The following FCGR1A variants were observed in gnomAD, a reference collection of about 807,000 sequenced individuals.
FCGR1A encodes the protein Fc gamma receptor Ia.
In FCGR1A, 13 loss-of-function variants were observed where a neutral mutation model predicts 35.0. That is an observed-to-expected ratio of 0.37 (90% CI 0.24 to 0.59). FCGR1A has a LOEUF of 0.59. Among genes scored for constraint, FCGR1A ranks in the 20% least tolerant of loss-of-function variants. The probability of loss-of-function intolerance (pLI) is 0.71; values close to 1 mark genes in which losing one functional copy is unlikely to be tolerated. For synonymous variants in FCGR1A, 91 were observed against 164.7 expected (o/e 0.55, Z 3.43); for missense variants, 227 against 430.0 (o/e 0.53, Z 4.17).
chr1:149,784,740 A>T (rs2091496058), intron 3 of FCGR1A, among the ~76,000 whole-genome samples: 1 of 149,680 alleles, frequency 6.7e-6, no homozygotes. Flanking sequence ...ATATAGTTTT[A>T]AAGCTGTGGG....
At chr1:149,786,676 T>C (rs2091559557) in intron 3 of FCGR1A, 1 of 152,204 alleles carries the variant, frequency 6.6e-6, no homozygotes, top group Non-Finnish European at 1.5e-5. Context: ...AGGAAATTAG[T>C]AATGTCTGCT....
At chr1:149,798,815 G>GT in the FCGR1A span, among the ~76,000 whole-genome samples, 1 of 152,058 alleles carries the variant, frequency 6.6e-6, no homozygotes, top group Admixed American at 6.5e-5. Context: ...GTCTTGCTTT[G>GT]TTGCCCAGGC....
At chr1:149,800,383 C>A in the FCGR1A span, among the ~76,000 whole-genome samples, 1 of 151,266 alleles carries the variant, frequency 6.6e-6, no homozygotes, top group African/African-American at 2.4e-5. Context: ...TAACCTTCAG[C>A]CCCTCTCCCC....
At chr1:149,798,582 C>T in the FCGR1A span, among the ~76,000 whole-genome samples, 1,914 of 150,566 alleles carry the variant, frequency 0.013, 26 homozygotes, top group African/African-American at 0.044. Context: ...ATATACCCTT[C>T]TAGTGCCATA....
downstream of FCGR1A, among the ~76,000 whole-genome samples, chr1:149,796,450 G>A (rs1248782982): frequency 6.6e-6 from 1 of 152,198 alleles, no homozygotes; most frequent in African/African-American, 2.4e-5. Flanking sequence ...GTCCTCTGGA[G>A]CCTGGCTGTG....
downstream of FCGR1A, chr1:149,792,705 T>C (rs782435362): frequency 5.5e-5 from 70 of 1,283,170 alleles, 5 homozygotes; most frequent in East Asian, 3.0e-3. Flanking sequence ...GCGAAAGCTG[T>C]TGGGCGCGCG....
chr1:149,787,393 T>C (rs1553750947), intron 3 of FCGR1A: 1 of 152,232 alleles, frequency 6.6e-6, no homozygotes, highest in African/African-American at 2.4e-5. Context: ...TGGTTATGTG[T>C]AGAGGTGTAT....
rs782277716 is a variant in FCGR1A at position 149,788,521 on chromosome 1, A to T, written c.463A>T (p.Ile155Phe). The change falls in exon 4 of 6, where the codon ATT becomes TTT. Residue 155 changes from isoleucine (I) to phenylalanine (F), a missense_variant. Physicochemically the swap from Ile to Phe is conservative, Grantham distance 21. Around this residue, in one of 3 missense-constraint regions of FCGR1A, gnomAD observed 185 missense variants for 306.6 expected, o/e 0.60. Coordinates refer to ENST00000369168, the MANE Select transcript of FCGR1A (RefSeq NM_000566.4). Reference sequence around the variant, plus strand: ...TTTCCACTGGAATTCTAACCTCACCATTCTGAAAACCAACATAAGTCACAA... The same window carrying T: ...TTTCCACTGGAATTCTAACCTCACCTTTCTGAAAACCAACATAAGTCACAA... Reference protein sequence around the residue: ...KFFHWNSNLTILKTNISHNGT... With the variant: ...KFFHWNSNLTFLKTNISHNGT... 1 of 1,613,740 alleles carries T rather than the reference A, an allele frequency of 6.2e-7. No homozygotes were observed. Among genetic ancestry groups the T allele is most frequent in the Non-Finnish European group, 8.5e-7 (1 of 1,179,840 alleles).
the FCGR1A span, among the ~76,000 whole-genome samples, chr1:149,800,219 C>T: frequency 6.6e-6 from 1 of 152,224 alleles, no homozygotes; most frequent in African/African-American, 2.4e-5. Flanking sequence ...GAGCATGGAG[C>T]TTCCATGCAC....
chr1:149,793,200 G>A, downstream of FCGR1A: 4 of 1,277,538 alleles, frequency 3.1e-6, no homozygotes, highest in South Asian at 1.2e-5. Flanking sequence ...CTCCCAGCAG[G>A]CGCCCCATTT....
At chr1:149,790,796 T>A (rs1346411036) in intron 5 of FCGR1A, among the ~76,000 whole-genome samples, 1 of 150,520 alleles carries the variant, frequency 6.6e-6, no homozygotes, top group Non-Finnish European at 1.5e-5. Flanking sequence ...AGTTCTTGCT[T>A]CAAGGAGCTC....
intron 4 of FCGR1A, among the ~76,000 whole-genome samples, chr1:149,789,614 T>A (rs1194719360): frequency 1.3e-5 from 2 of 152,138 alleles, no homozygotes; most frequent in Non-Finnish European, 2.9e-5. Flanking sequence ...GGAGGTGAGC[T>A]TCTTCATGAG....
In FCGR1A at chr1:149,791,496, G is replaced by A; in HGVS notation, c.1104G>A (p.Lys368=). ...EEQLQEGVHR[K]EPQGAT is the part of the protein sequence containing the mutation. ...AGCTGCAGGAAGGGGTGCACCGGAA[G>A]GAGCCCCAGGGGGCCACGTAGCAGC... Residue 368 remains lysine (K), a synonymous_variant, in exon 6 of 6, where the codon AAG becomes AAA. Coordinates refer to ENST00000369168, the MANE Select transcript of FCGR1A (RefSeq NM_000566.4). The A allele has an allele frequency of 1.9e-6, 3 of 1,609,646 alleles. No homozygotes were observed. The highest frequency in any genetic ancestry group is 2.5e-6 in the Non-Finnish European group (3 of 1,179,328).
At chr1:149,790,369 C>G in intron 5 of FCGR1A, 31 bp downstream of exon 5, 1 of 1,569,306 alleles carries the variant, frequency 6.4e-7, no homozygotes. Flanking sequence ...GCCACTGGCA[C>G]AGAAGAAGGG....
downstream of FCGR1A, chr1:149,793,347 G>A (rs1185577804): frequency 8.7e-7 from 1 of 1,144,916 alleles, no homozygotes; most frequent in African/African-American, 1.7e-5. Context: ...AGCAGGAAGG[G>A]AGCTGGCTCG....
At chr1:149,787,929 C>T in intron 3 of FCGR1A, 1 of 243,308 alleles carries the variant, frequency 4.1e-6, no homozygotes, top group South Asian at 5.0e-5. Context: ...GGAGACTTTC[C>T]ATCCAGACTG....
chr1:149,793,951 G>A (rs1363197296), downstream of FCGR1A: 2 of 1,207,108 alleles, frequency 1.7e-6, no homozygotes, highest in African/African-American at 3.1e-5. Context: ...TTCCTAGGAG[G>A]GCCAAGGATT....
the FCGR1A span, among the ~76,000 whole-genome samples, chr1:149,797,101 C>T: frequency 2.0e-5 from 3 of 152,116 alleles, no homozygotes; most frequent in African/African-American, 7.2e-5. Flanking sequence ...TTAGTAGAGA[C>T]GAGGTTTCAC....
the FCGR1A span, among the ~76,000 whole-genome samples, chr1:149,797,382 C>T: frequency 2.0e-5 from 3 of 151,974 alleles, no homozygotes; most frequent in African/African-American, 7.3e-5. Context: ...CAAAAATACA[C>T]ATCATTTTAA....
Sources: allele counts gnomAD v4.1 joint callset (sites outside exome capture counted in the v4.1 genomes callset), GRCh38; gene constraint gnomAD v4.1.1; regional missense constraint gnomAD v4.1.1; transcripts MANE v1.5; gene names NCBI Gene and HGNC (gene_info 2026-07-23, HGNC 2026-07-21).